The following ANK1 variants were observed in gnomAD, a reference collection of about 807,000 sequenced individuals.
ANK1 encodes the protein ankyrin-1.
In ANK1, 51 loss-of-function variants were observed where a neutral mutation model predicts 210.4. That is an observed-to-expected ratio of 0.24 (90% CI 0.19 to 0.31). The LOEUF (loss-of-function observed/expected upper bound fraction) is 0.31. Ranked by LOEUF, ANK1 falls within the 10% of genes least tolerant of loss-of-function variation. The pLI, the probability that ANK1 is intolerant of heterozygous loss-of-function variation, is 1.00. For missense variants in ANK1, 2,051 were observed against 2,504.4 expected (o/e 0.82, Z 3.86); for synonymous variants, 967 against 1,025.9 (o/e 0.94, Z 1.10).
At chr8:41,765,440 T>C (rs1259566072) in intron 1 of ANK1, among the ~76,000 whole-genome samples, 2 of 151,964 alleles carry the variant, frequency 1.3e-5, no homozygotes, top group Non-Finnish European at 2.9e-5. Context: ...AGAGATAAAG[T>C]CTCCCTATGT....
intron 1 of ANK1, among the ~76,000 whole-genome samples, chr8:41,777,195 A>G (rs1050225627): frequency 6.6e-6 from 1 of 152,160 alleles, no homozygotes; most frequent in Non-Finnish European, 1.5e-5. Context: ...ATCCTAAGGT[A>G]TGTCTCTAAT....
upstream of ANK1, chr8:41,797,694 G>A (rs1587023464): frequency 5.0e-6 from 6 of 1,189,542 alleles, no homozygotes; most frequent in African/African-American, 3.3e-5. The surrounding 1 kb of genome is among the most constrained non-coding windows in gnomAD (Gnocchi z 4.0). Context: ...TGTCGGGCCG[G>A]GCGCTCCCGG....
At chr8:41,875,733 A>C (rs1816436484) in intron 1 of ANK1, among the ~76,000 whole-genome samples, 1 of 152,112 alleles carries the variant, frequency 6.6e-6, no homozygotes, top group Non-Finnish European at 1.5e-5. Flanking sequence ...TTGCAGGGGG[A>C]GGACAAACTC....
chr8:41,714,054 G>T (rs1176899454), intron 16 of ANK1, 102 bp downstream of exon 16: 3 of 818,252 alleles, frequency 3.7e-6, no homozygotes, highest in African/African-American at 1.8e-5. Flanking sequence ...GCAACAGAAC[G>T]CAAAACCCTT....
intron 1 of ANK1, among the ~76,000 whole-genome samples, chr8:41,779,159 G>A (rs1360861894): frequency 6.6e-6 from 1 of 152,154 alleles, no homozygotes; most frequent in African/African-American, 2.4e-5. Context: ...CATGCAGTGG[G>A]AGACCACTCT....
At chr8:41,695,079 C>CA in intron 27 of ANK1, 98 bp downstream of exon 27, 1 of 1,533,120 alleles carries the variant, frequency 6.5e-7, no homozygotes, top group Non-Finnish European at 9.0e-7. Flanking sequence ...CTTGGGGCTT[C>CA]CCAAACTTCA....
At chr8:41,797,980 C>A (rs1213782312), upstream of ANK1, among the ~76,000 whole-genome samples, 1 of 151,706 alleles carries the variant, frequency 6.6e-6, no homozygotes, top group South Asian at 2.1e-4. The surrounding 1 kb of genome is among the most constrained non-coding windows in gnomAD (Gnocchi z 4.0). Context: ...GCAGGGGAAG[C>A]AATACTAAGC....
chr8:41,787,293 A>G (rs1846617324), intron 1 of ANK1, among the ~76,000 whole-genome samples: 1 of 152,246 alleles, frequency 6.6e-6, no homozygotes, highest in African/African-American at 2.4e-5. Context: ...GGCTGGTGAT[A>G]TTAAATGGCA....
At chr8:41,881,109 C>A (rs762871406) in intron 1 of ANK1, among the ~76,000 whole-genome samples, 9 of 152,338 alleles carry the variant, frequency 5.9e-5, no homozygotes, top group Middle Eastern at 6.8e-3. Flanking sequence ...CAAGCCATTT[C>A]CTTTCTCCAG....
intron 1 of ANK1, among the ~76,000 whole-genome samples, chr8:41,811,015 C>T (rs1802406814): frequency 6.6e-6 from 1 of 152,240 alleles, no homozygotes; most frequent in Non-Finnish European, 1.5e-5. Context: ...ATCTCAAAGG[C>T]CCCTTCTTTA....
At chr8:41,662,027 C>T (rs1442107911) in intron 40 of ANK1, 86 bp from the exon 41 acceptor site, 21 of 1,503,352 alleles carry the variant, frequency 1.4e-5, no homozygotes, top group African/African-American at 9.6e-5. Flanking sequence ...GGGAGGCTGA[C>T]GTGCAGATCA....
rs915604965 is a variant in ANK1 at position 41,888,121 on chromosome 8, C to T, written c.126+8234G>A. 5.3e-5 allele frequency among the ~76,000 whole-genome samples: 8 copies of T among 152,230 alleles called. No individual in the cohort carries two copies. The East Asian group carries it at 9.6e-4, about 18-fold the overall frequency. On this transcript the variant is annotated intron_variant, in intron 1 of 42. Coordinates refer to the ANK1 transcript ENST00000265709. ...CAAGCCCCGCAGCTGCCCCTGCTAT[C>T]GAAGATGTTTTCTATGAGCTCTCTC...
Position 41,672,852 on chromosome 8 carries a change from G to A in ANK1, c.4598C>T (p.Ser1533Phe). 1.9e-6 allele frequency: 3 copies of A among 1,611,058 alleles called. No individual in the cohort carries two copies. The highest frequency in any genetic ancestry group is 2.5e-6 in the Non-Finnish European group (3 of 1,179,924). Residue 1533 changes from serine to phenylalanine, a missense_variant, in exon 38 of 43, where the codon TCT becomes TTT. By Grantham distance (155) the Ser-to-Phe change is radical. This residue lies in a region of ANK1 where 496 missense variants were observed against 533.4 expected (regional missense o/e 0.93). Transcript: ENST00000289734. ...SPASLGCALS[S>F]PLRADQYWNE... ...CCAGTACTGGTCTGCACGTAGCGGA[G>A]AGGAAAGTGCACAGCCCAGGGAGGC...
chr8:41,869,524 G>A (rs1378579698), intron 1 of ANK1, among the ~76,000 whole-genome samples: 1 of 152,152 alleles, frequency 6.6e-6, no homozygotes, highest in African/African-American at 2.4e-5. Flanking sequence ...AGGCTGCAGT[G>A]AGCCATGATC....
chr8:41,832,704 T>C (rs1398161768), intron 1 of ANK1, among the ~76,000 whole-genome samples: 1 of 152,072 alleles, frequency 6.6e-6, no homozygotes, highest in African/African-American at 2.4e-5. Context: ...TCCCAGAGGG[T>C]TCCCAGAGGA....
chr8:41,826,124 T>TA (rs773590366), intron 1 of ANK1, among the ~76,000 whole-genome samples: 3 of 152,156 alleles, frequency 2.0e-5, no homozygotes, highest in Non-Finnish European at 4.4e-5. Context: ...TGTATGCCCC[T>TA]AGCATCCAAT....
intron 16 of ANK1, among the ~76,000 whole-genome samples, chr8:41,713,327 G>C (rs894403): frequency 0.091 from 13,888 of 152,182 alleles, 2,067 homozygotes; most frequent in African/African-American, 0.31. Flanking sequence ...CACCAGTCCC[G>C]CGGTGCCTAT....
chr8:41,782,632 CA>C (rs1845575308), intron 1 of ANK1, among the ~76,000 whole-genome samples: 1 of 152,212 alleles, frequency 6.6e-6, no homozygotes, highest in African/African-American at 2.4e-5. Context: ...AGAACTGTCT[CA>C]GGGGGTCTCA....
chr8:41,792,815 C>G (rs577989428), intron 1 of ANK1, among the ~76,000 whole-genome samples: 1 of 152,216 alleles, frequency 6.6e-6, no homozygotes, highest in Admixed American at 6.5e-5. Context: ...AATTTTCAAT[C>G]GCAGGTTTGT....
Sources: gnomAD v4.1 joint callset for allele counts (sites outside exome capture counted in the v4.1 genomes callset) on GRCh38, gnomAD v4.1.1 for gene constraint, gnomAD v4.1.1 regional missense constraint, Gnocchi (gnomAD v3.1) non-coding constraint, MANE v1.5 for transcripts, NCBI Gene and HGNC (gene_info 2026-07-23, HGNC 2026-07-21) for gene names.